The following KIAA1217 variants were observed in gnomAD, a reference collection of about 807,000 sequenced individuals.
KIAA1217 encodes the protein sickle tail protein homolog.
A neutral mutation model predicts 163.9 loss-of-function variants in KIAA1217; 88 were observed. The ratio of observed to expected loss-of-function variants is 0.54; its 90% CI spans 0.45 to 0.64. The LOEUF (loss-of-function observed/expected upper bound fraction) is 0.64. KIAA1217 is among the 30% of genes least tolerant of loss of function. The pLI, the probability that KIAA1217 is intolerant of heterozygous loss-of-function variation, is 0.00. For missense variants in KIAA1217, 2,372 were observed against 2,475.0 expected (o/e 0.96, Z 0.88); for synonymous variants, 903 against 923.1 (o/e 0.98, Z 0.39).
chr10:24,476,400 C>T (rs1422947124), intron 6 of KIAA1217, among the ~76,000 whole-genome samples: 2 of 152,154 alleles, frequency 1.3e-5, no homozygotes, highest in Admixed American at 1.3e-4. Context: ...AGAGCCTCCA[C>T]TCCCTTTTTT....
Position 24,211,361 on chromosome 10 carries a change from CT to C in KIAA1217, c.70+2127del, listed in dbSNP as rs1201397959. On this transcript the variant is annotated intron_variant, in intron 1 of 20. Transcript: ENST00000376454. ...GGGAATCTCCTGGCAGGTGGGACTA[CT>C]TTTTTTTTTTTTTTTTTTTTTTTTT... 4.3e-3 allele frequency among the ~76,000 whole-genome samples: 257 copies of C among 60,194 alleles called. 14 individuals are homozygous for C. The highest frequency in any genetic ancestry group is 9.9e-3 in the African/African-American group (152 of 15,334). The allele number at this position is 60,194 out of a possible 152,430, so 39.5% of individuals were successfully genotyped here.
At chr10:24,214,412 G>A (rs4550133) in intron 1 of KIAA1217, among the ~76,000 whole-genome samples, 1 of 151,834 alleles carries the variant, frequency 6.6e-6, no homozygotes, top group African/African-American at 2.4e-5. Context: ...CCCCCACGGC[G>A]TTGGAGGGTT....
chr10:23,894,268 A>T (rs1272799609), intron 1 of KIAA1217, among the ~76,000 whole-genome samples: 1 of 152,012 alleles, frequency 6.6e-6, no homozygotes, highest in Non-Finnish European at 1.5e-5. Flanking sequence ...AATCTCCTTC[A>T]GCTGATAAGC....
chr10:24,331,993 GT>G (rs769285832), intron 2 of KIAA1217, among the ~76,000 whole-genome samples: 72 of 152,286 alleles, frequency 4.7e-4, no homozygotes, highest in Admixed American at 1.2e-3. Context: ...TAGAGACGGG[GT>G]TTCACCATGT....
At chr10:23,704,172 G>GTGTGTGTGTATATATATATA (rs1229370789) in intron 1 of KIAA1217, among the ~76,000 whole-genome samples, 27 of 39,940 alleles carry the variant, frequency 6.8e-4, no homozygotes, top group African/African-American at 8.0e-4. Context: ...GTGTGTGTGT[G>GTGTGTGTGTATATATATATA]TATATATATA....
intron 1 of KIAA1217, among the ~76,000 whole-genome samples, chr10:23,854,169 C>T (rs1839516471): frequency 6.6e-6 from 1 of 152,022 alleles, no homozygotes; most frequent in South Asian, 2.1e-4. Flanking sequence ...AAGTTTCCCT[C>T]TACATGCTGC....
At position 23,990,962 on chromosome 10, in the gene KIAA1217, G is replaced by C. The variant is rs578063446; in HGVS notation, c.-320-16263G>C. ...CATTTTATGAGCGAGGGAATTGCAG[G>C]CAAGTGAGATAAAGTGACAATAGAA... is the stretch of plus-strand genomic sequence containing the variant. On this transcript the variant is annotated intron_variant, in intron 1 of 18. Coordinates refer to the KIAA1217 transcript ENST00000376462. Among the ~76,000 whole-genome samples, 7 of 152,242 alleles carry C rather than the reference G, an allele frequency of 4.6e-5. No homozygotes were observed. The South Asian group carries it at 8.3e-4, about 18-fold the overall frequency.
chr10:24,322,084 GA>G (rs2044238950), intron 2 of KIAA1217, among the ~76,000 whole-genome samples: 1 of 151,858 alleles, frequency 6.6e-6, no homozygotes, highest in South Asian at 2.1e-4. Flanking sequence ...GAGTAGCTGG[GA>G]TCACAGGTGC....
intron 3 of KIAA1217, among the ~76,000 whole-genome samples, chr10:24,407,872 T>G (rs1318597329): frequency 6.6e-6 from 1 of 152,034 alleles, no homozygotes; most frequent in East Asian, 1.9e-4. Context: ...TGTCGTGTTC[T>G]TAACAAAAAA....
At chr10:24,460,101 G>T (rs1204072624) in intron 5 of KIAA1217, among the ~76,000 whole-genome samples, 1 of 152,210 alleles carries the variant, frequency 6.6e-6, no homozygotes, top group Non-Finnish European at 1.5e-5. Context: ...AAACTAGCAG[G>T]TGTTCTCATG....
chr10:24,409,001 C>T (rs2057495060), intron 3 of KIAA1217, among the ~76,000 whole-genome samples: 1 of 152,198 alleles, frequency 6.6e-6, no homozygotes, highest in South Asian at 2.1e-4. Context: ...ATAGTAGATG[C>T]TCAATAAATA....
intron 2 of KIAA1217, among the ~76,000 whole-genome samples, chr10:24,378,766 G>A (rs2052882323): frequency 6.6e-6 from 1 of 152,114 alleles, no homozygotes; most frequent in African/African-American, 2.4e-5. Context: ...CTGCGTGTGA[G>A]GAGACTGCTA....
chr10:23,898,690 CA>C (rs775711436), intron 1 of KIAA1217, among the ~76,000 whole-genome samples: 92 of 152,048 alleles, frequency 6.1e-4, no homozygotes, highest in Non-Finnish European at 1.0e-3. Flanking sequence ...AACCAATCTC[CA>C]CAACTTTTTT....
At chr10:24,216,580 A>C (rs953238881) in intron 1 of KIAA1217, among the ~76,000 whole-genome samples, 1 of 152,038 alleles carries the variant, frequency 6.6e-6, no homozygotes, top group Non-Finnish European at 1.5e-5. Flanking sequence ...TAATCCCGGC[A>C]CTTTGGGAGG....
intron 1 of KIAA1217, among the ~76,000 whole-genome samples, chr10:23,740,231 T>C (rs1051236193): frequency 2.6e-5 from 4 of 152,216 alleles, no homozygotes; most frequent in Non-Finnish European, 5.9e-5. Context: ...GAGAAATAGA[T>C]ATGTTGGCAT....
At chr10:24,135,271 A>G (rs554219770) in intron 2 of KIAA1217, among the ~76,000 whole-genome samples, 15 of 152,320 alleles carry the variant, frequency 9.8e-5, no homozygotes, top group Non-Finnish European at 1.9e-4. Context: ...TGGAGGAAAA[A>G]TCAGGAAGAT....
intron 2 of KIAA1217, among the ~76,000 whole-genome samples, chr10:24,187,281 T>C (rs2066482445): frequency 6.6e-6 from 1 of 152,222 alleles, no homozygotes; most frequent in African/African-American, 2.4e-5. Flanking sequence ...TATTTGCTCA[T>C]ATAACCTTTG....
chr10:24,273,326 C>T (rs901744458), intron 2 of KIAA1217, among the ~76,000 whole-genome samples: 7 of 152,192 alleles, frequency 4.6e-5, no homozygotes, highest in African/African-American at 1.7e-4. Context: ...TTCCTTCATT[C>T]CCTTTTCTCT....
chr10:23,697,200 G>A (rs1836102637), intron 1 of KIAA1217, among the ~76,000 whole-genome samples: 1 of 152,204 alleles, frequency 6.6e-6, no homozygotes, highest in Non-Finnish European at 1.5e-5. Flanking sequence ...TCATGTGGCT[G>A]TGTTGATAAT....
Sources: gnomAD v4.1 joint callset for allele counts (sites outside exome capture counted in the v4.1 genomes callset) on GRCh38, gnomAD v4.1.1 for gene constraint, MANE v1.5 for transcripts, NCBI Gene and HGNC (gene_info 2026-07-23, HGNC 2026-07-21) for gene names.